Variants in DAB1 observed in about 807,000 individuals in gnomAD.
DAB1 encodes DAB adaptor protein 1, also known as disabled homolog 1.
Under a neutral mutation model 64.6 loss-of-function variants are expected in DAB1, and 15 were observed. The ratio of observed to expected loss-of-function variants is 0.23; its 90% confidence interval spans 0.16 to 0.36. DAB1 has a LOEUF of 0.36. Among genes scored for constraint, DAB1 ranks in the 10% least tolerant of loss-of-function variants. The probability of loss-of-function intolerance (pLI) is 1.00; values close to 1 mark genes in which losing one functional copy is unlikely to be tolerated. For missense variants in DAB1, 596 were observed against 706.7 expected, an observed-to-expected ratio of 0.84 and a Z score of 1.78; for synonymous variants, 235 against 251.9, an observed-to-expected ratio of 0.93 and a Z score of 0.64.
chr1:57,940,636 C>T (rs1290764405), intron 5 of DAB1, among the ~76,000 whole-genome samples: 1 of 152,212 alleles, frequency 6.6e-6, no homozygotes, highest in Non-Finnish European at 1.5e-5. Flanking sequence ...GCCTTTCCAA[C>T]AAACTCCCAT....
intron 4 of DAB1, among the ~76,000 whole-genome samples, chr1:57,132,552 T>C (rs2100784766): frequency 6.6e-6 from 1 of 152,268 alleles, no homozygotes; most frequent in East Asian, 1.9e-4. Context: ...GACATGATGC[T>C]CAAAGGAAAT....
chr1:57,666,652 A>T (rs910740525), intron 6 of DAB1, among the ~76,000 whole-genome samples: 11 of 152,108 alleles, frequency 7.2e-5, no homozygotes, highest in Admixed American at 6.6e-4. Context: ...ACTTCTAATC[A>T]ATCAGTATTG....
At chr1:58,011,328 G>C (rs1030887292) in intron 5 of DAB1, among the ~76,000 whole-genome samples, 1 of 152,228 alleles carries the variant, frequency 6.6e-6, no homozygotes, top group African/African-American at 2.4e-5. Context: ...GAAATTGGCA[G>C]ATCTGGAAGG....
At chr1:57,841,728 G>A (rs1653059744) in intron 1 of DAB1, among the ~76,000 whole-genome samples, 1 of 152,210 alleles carries the variant, frequency 6.6e-6, no homozygotes, top group Non-Finnish European at 1.5e-5. Context: ...GCGGAGCCCT[G>A]GGCCTGGTCC....
At chr1:58,470,938 A>C (rs1233460869) in intron 3 of DAB1, among the ~76,000 whole-genome samples, 1 of 152,162 alleles carries the variant, frequency 6.6e-6, no homozygotes, top group Non-Finnish European at 1.5e-5. Context: ...TAGCAGCAAA[A>C]GCTTATTAGG....
chr1:58,266,337 A>C (rs146937090), intron 4 of DAB1, among the ~76,000 whole-genome samples: 1,695 of 152,250 alleles, frequency 0.011, 70 homozygotes, highest in Admixed American at 0.025. Flanking sequence ...AGGGCTCAGC[A>C]AGCTGGAAGA....
chr1:57,687,401 A>T (rs776599964), intron 6 of DAB1, among the ~76,000 whole-genome samples: 1 of 152,060 alleles, frequency 6.6e-6, no homozygotes, highest in Non-Finnish European at 1.5e-5. Context: ...AACACAAATA[A>T]ATGGAAAAAC....
intron 2 of DAB1, among the ~76,000 whole-genome samples, chr1:57,218,755 G>C (rs778347738): frequency 2.0e-5 from 3 of 152,100 alleles, no homozygotes; most frequent in Admixed American, 1.3e-4. Context: ...AAGTAACTAA[G>C]TGTCCTCAAG....
At chr1:57,139,367 C>A (rs553663258) in intron 3 of DAB1, among the ~76,000 whole-genome samples, 14 of 152,212 alleles carry the variant, frequency 9.2e-5, no homozygotes, top group African/African-American at 3.4e-4. Flanking sequence ...AGATCAGGGC[C>A]CTCACTGGAC....
intron 5 of DAB1, among the ~76,000 whole-genome samples, chr1:58,135,887 G>T (rs1484377516): frequency 6.6e-6 from 1 of 151,994 alleles, no homozygotes; most frequent in Admixed American, 6.5e-5. Context: ...AGGAATCCTG[G>T]GTTTCAATCC....
At chr1:58,069,374 T>C (rs1337616469) in intron 5 of DAB1, among the ~76,000 whole-genome samples, 1 of 152,206 alleles carries the variant, frequency 6.6e-6, no homozygotes, top group Non-Finnish European at 1.5e-5. Flanking sequence ...CAGTACTTAC[T>C]GTCCTGATTT....
chr1:57,326,855 GC>G (rs1676199773), intron 1 of DAB1, among the ~76,000 whole-genome samples: 2 of 152,100 alleles, frequency 1.3e-5, no homozygotes, highest in African/African-American at 4.8e-5. Flanking sequence ...CACACTGGGG[GC>G]TTAGGGCTTC....
intron 5 of DAB1, among the ~76,000 whole-genome samples, chr1:58,024,624 T>A (rs532172154): frequency 3.5e-4 from 53 of 152,344 alleles, no homozygotes; most frequent in African/African-American, 1.2e-3. Context: ...GTCCTGGTTA[T>A]CTTGTGATGG....
At chr1:57,330,843 C>T (rs555848840) in intron 1 of DAB1, among the ~76,000 whole-genome samples, 17 of 152,226 alleles carry the variant, frequency 1.1e-4, no homozygotes, top group South Asian at 8.3e-4. Flanking sequence ...TGTGAACCCT[C>T]GGCAGCTTGA....
rs570057666 is a variant in DAB1, at chr1:57,966,688, A to AT, written n.388-82527dup. On this transcript the variant is annotated intron_variant and non_coding_transcript_variant, in intron 5 of 20. Coordinates refer to the DAB1 transcript ENST00000485760. ...AGGCCTTAACTCGAATGCCAAGGAG[A>AT]TTTTTTTTGATAATCTAAAATTTAG... 9.9e-5 allele frequency among the ~76,000 whole-genome samples: 15 copies of AT among 152,102 alleles called. No individual in the cohort carries two copies. The South Asian group carries it at 2.7e-3, about 27-fold the overall frequency.
intron 7 of DAB1, among the ~76,000 whole-genome samples, chr1:57,499,160 GAC>G (rs1450697719): frequency 6.6e-6 from 1 of 152,126 alleles, no homozygotes; most frequent in Non-Finnish European, 1.5e-5. Flanking sequence ...TATTTTAGTA[GAC>G]ACATGGTTTC....
At chr1:57,798,268 C>T (rs1373768079) in intron 6 of DAB1, among the ~76,000 whole-genome samples, 4 of 152,176 alleles carry the variant, frequency 2.6e-5, no homozygotes, top group African/African-American at 4.8e-5. Flanking sequence ...CAGAGAGCTG[C>T]GGTGACTTGC....
chr1:58,132,284 C>T (rs1468885385), intron 5 of DAB1, among the ~76,000 whole-genome samples: 2 of 152,200 alleles, frequency 1.3e-5, no homozygotes, highest in Non-Finnish European at 2.9e-5. Context: ...CCTTGCGCTT[C>T]CCAAGTGAGG....
chr1:58,025,651 G>GTGTGTATA (rs1264790564), intron 5 of DAB1, among the ~76,000 whole-genome samples: 18 of 75,292 alleles, frequency 2.4e-4, no homozygotes, highest in East Asian at 9.5e-4. Flanking sequence ...ATATATGTGT[G>GTGTGTATA]TATATATATA....
Sources: allele counts gnomAD v4.1 joint callset (sites outside exome capture counted in the v4.1 genomes callset), GRCh38; gene constraint gnomAD v4.1.1; transcripts MANE v1.5; gene names NCBI Gene and HGNC (gene_info 2026-07-23, HGNC 2026-07-21).